The following TOX variants were observed in gnomAD, a reference collection of about 807,000 sequenced individuals.
TOX encodes the protein thymocyte selection associated high mobility group box.
TOX carries 11 observed loss-of-function variants against 53.7 expected under a neutral mutation model. The observed-to-expected ratio is 0.20, with a 90% CI of 0.13 to 0.34. TOX has a LOEUF of 0.34. Among genes scored for constraint, TOX ranks in the 10% least tolerant of loss-of-function variants. The pLI is 1.00. For missense variants in TOX, 570 were observed against 664.6 expected (o/e 0.86, Z 1.56); for synonymous variants, 225 against 245.3 (o/e 0.92, Z 0.77).
chr8:58,943,615 T>TAA lies in TOX; in HGVS notation c.169-4073_169-4072dup, dbSNP rs752767981. 7.7e-4 allele frequency among the ~76,000 whole-genome samples: 101 copies of TAA among 130,894 alleles called. 1 individual carries two copies. The highest frequency in any genetic ancestry group is 2.5e-3 in the African/African-American group (89 of 35,162). 85.9% of individuals were successfully genotyped at this position (130,894 alleles called of 152,430 possible). A position where few individuals can be genotyped will look rare whatever the true frequency, so the allele number is the denominator to read the frequency against. Reference sequence around the variant, plus strand: ...CAAGAGGACTACTTTTTTTTTTTTCTAAAAAAAAAAAAAAACAAACAAATT... The same window carrying TAA: ...CAAGAGGACTACTTTTTTTTTTTTCTAAAAAAAAAAAAAAAAACAAACAAATT... On this transcript the variant is annotated intron_variant, in intron 2 of 8. Transcript: ENST00000361421.
intron 5 of TOX, 39 bp from the exon 6 acceptor site, chr8:58,826,941 T>C (rs1364627299): frequency 6.3e-7 from 1 of 1,577,322 alleles, no homozygotes; most frequent in South Asian, 1.1e-5. Context: ...AGAAAGTGCA[T>C]TTGCTTTTGT....
intron 2 of TOX, 91 bp from the exon 3 acceptor site, chr8:58,939,635 C>T: frequency 1.3e-6 from 2 of 1,495,080 alleles, no homozygotes; most frequent in East Asian, 2.3e-5. Context: ...GATATTATTA[C>T]AAGCAGCATA....
intron 4 of TOX, among the ~76,000 whole-genome samples, chr8:58,838,742 G>T (rs1393534846): frequency 9.4e-6 from 1 of 106,684 alleles, no homozygotes. Context: ...TTGCTCTGTC[G>T]CCAGGCTGGA....
intron 1 of TOX, among the ~76,000 whole-genome samples, chr8:59,037,112 G>A (rs149929057): frequency 1.3e-5 from 2 of 149,592 alleles, no homozygotes; most frequent in Non-Finnish European, 3.0e-5. Flanking sequence ...TCCAGATGGC[G>A]TTTGTATTGA....
intron 6 of TOX, among the ~76,000 whole-genome samples, chr8:58,820,908 T>G (rs1810263984): frequency 6.6e-6 from 1 of 152,174 alleles, no homozygotes; most frequent in Non-Finnish European, 1.5e-5. Context: ...TTATACATTG[T>G]TTTCAGCATA....
At chr8:58,961,587 G>A (rs1449596241) in intron 1 of TOX, among the ~76,000 whole-genome samples, 1 of 151,784 alleles carries the variant, frequency 6.6e-6, no homozygotes, top group Non-Finnish European at 1.5e-5. Flanking sequence ...GAGTGAAATG[G>A]CGCGATCGCA....
intron 5 of TOX, among the ~76,000 whole-genome samples, chr8:58,830,703 T>C (rs1389274574): frequency 6.6e-6 from 1 of 152,172 alleles, no homozygotes; most frequent in East Asian, 1.9e-4. Context: ...TCTCTAGTCA[T>C]AGTTTATTTT....
At chr8:58,859,515 G>GTAA (rs764553865) in intron 3 of TOX, among the ~76,000 whole-genome samples, 2 of 152,110 alleles carry the variant, frequency 1.3e-5, no homozygotes, top group Non-Finnish European at 2.9e-5. Context: ...TTTAGTTAGG[G>GTAA]TAATTAGTCA....
chr8:58,894,669 G>A (rs780884123), intron 3 of TOX, among the ~76,000 whole-genome samples: 20 of 152,168 alleles, frequency 1.3e-4, no homozygotes, highest in Non-Finnish European at 1.2e-4. Flanking sequence ...CGACGCGGGT[G>A]GATCACTTGA....
chr8:58,852,820 A>G (rs1394058551), intron 3 of TOX, among the ~76,000 whole-genome samples: 8 of 152,324 alleles, frequency 5.3e-5, no homozygotes, highest in Admixed American at 1.3e-4. Context: ...GGTTAAAGTT[A>G]CACGTTGGAA....
intron 1 of TOX, among the ~76,000 whole-genome samples, chr8:59,017,079 G>T (rs542186163): frequency 6.6e-6 from 1 of 152,166 alleles, no homozygotes; most frequent in Non-Finnish European, 1.5e-5. Context: ...AAGAGTCCAC[G>T]TTTCACCTCT....
intron 5 of TOX, among the ~76,000 whole-genome samples, chr8:58,836,763 A>G (rs186249501): frequency 4.6e-5 from 7 of 152,322 alleles, no homozygotes; most frequent in African/African-American, 1.7e-4. Context: ...TTGTAAGTTG[A>G]GTGACAAGTT....
At chr8:59,017,226 G>A (rs1420728503) in intron 1 of TOX, among the ~76,000 whole-genome samples, 2 of 152,192 alleles carry the variant, frequency 1.3e-5, no homozygotes, top group African/African-American at 2.4e-5. Context: ...TCATACTGTA[G>A]CACTGTTTAG....
At chr8:58,949,209 A>G (rs1475415194) in intron 2 of TOX, among the ~76,000 whole-genome samples, 2 of 152,240 alleles carry the variant, frequency 1.3e-5, no homozygotes, top group Non-Finnish European at 2.9e-5. Flanking sequence ...AATGTTAGCT[A>G]TATTTTTATT....
At chr8:58,812,239 C>A (rs567187557) in intron 7 of TOX, among the ~76,000 whole-genome samples, 12 of 152,220 alleles carry the variant, frequency 7.9e-5, no homozygotes, top group African/African-American at 2.6e-4. Context: ...GTGGTGGACT[C>A]CCTTTTTGAT....
intron 3 of TOX, among the ~76,000 whole-genome samples, chr8:58,894,002 C>A (rs1051022603): frequency 2.0e-5 from 3 of 152,174 alleles, no homozygotes; most frequent in Non-Finnish European, 4.4e-5. Flanking sequence ...CACTTTTTAA[C>A]TGAATATAAA....
chr8:59,025,436 C>A (rs1814216354), intron 1 of TOX, among the ~76,000 whole-genome samples: 1 of 151,242 alleles, frequency 6.6e-6, no homozygotes, highest in South Asian at 2.1e-4. Context: ...CACCATTATC[C>A]AATCGGGAAG....
chr8:58,879,117 G>A (rs1811339507), intron 3 of TOX, among the ~76,000 whole-genome samples: 1 of 151,270 alleles, frequency 6.6e-6, no homozygotes, highest in Admixed American at 6.6e-5. Flanking sequence ...TTTGAATAAG[G>A]GCAACAGAAG....
At chr8:58,840,391 A>C (rs1810623142) in intron 4 of TOX, among the ~76,000 whole-genome samples, 2 of 152,164 alleles carry the variant, frequency 1.3e-5, no homozygotes, top group Admixed American at 1.3e-4. Context: ...TAAATCTGTC[A>C]GAGACTCAGC....
Sources: allele counts gnomAD v4.1 joint callset (sites outside exome capture counted in the v4.1 genomes callset), GRCh38; gene constraint gnomAD v4.1.1; transcripts MANE v1.5; gene names NCBI Gene and HGNC (gene_info 2026-07-23, HGNC 2026-07-21).